Variants in CCDC172 observed in about 807,000 individuals in gnomAD.
CCDC172 encodes coiled-coil domain containing 172.
A neutral mutation model predicts 38.0 loss-of-function variants in CCDC172; 30 were observed. The observed-to-expected ratio is 0.79, with a 90% CI of 0.59 to 1.07. The LOEUF is 1.07. CCDC172 is among the 50% of genes least tolerant of loss of function. The probability of loss-of-function intolerance (pLI) is 0.00; values close to 1 mark genes in which losing one functional copy is unlikely to be tolerated. For missense variants in CCDC172, 297 were observed against 290.1 expected (o/e 1.02, Z -0.17); for synonymous variants, 78 against 88.3 (o/e 0.88, Z 0.66).
intron 7 of CCDC172, among the ~76,000 whole-genome samples, chr10:116,361,546 A>G (rs1845064399): frequency 6.6e-6 from 1 of 152,206 alleles, no homozygotes; most frequent in Non-Finnish European, 1.5e-5. Flanking sequence ...GCACTTAAAG[A>G]TGGTGTGGCT....
rs267602378 is a variant in CCDC172 at position 116,325,349 on chromosome 10, G to C, written c.126G>C (p.Thr42=). ...GTCGTGAAAAAATTAAGAAAGCAACGGAGGAGCTGAATGAAGAGAAAATCA... is the reference window on the plus strand; with the variant it reads ...GTCGTGAAAAAATTAAGAAAGCAACCGAGGAGCTGAATGAAGAGAAAATCA... ...TRCREKIKKA[T]EELNEEKIKL... is the part of the protein sequence containing the mutation. The change falls in exon 3 of 9, where the codon ACG becomes ACC. Residue 42 remains threonine, a synonymous_variant. Coordinates refer to ENST00000333254, the MANE Select transcript of CCDC172 (RefSeq NM_198515.3). 19 of 1,613,868 alleles carry C rather than the reference G, an allele frequency of 1.2e-5. No individual in the cohort carries two copies. The highest frequency in any genetic ancestry group is 6.7e-5 in the Admixed American group (4 of 59,978).
At chr10:116,366,702 T>A (rs1845127069) in intron 7 of CCDC172, among the ~76,000 whole-genome samples, 2 of 152,186 alleles carry the variant, frequency 1.3e-5, no homozygotes, top group African/African-American at 2.4e-5. Flanking sequence ...TTGCTGAGTG[T>A]GGGGCATGCG....
At position 116,351,223 on chromosome 10, in the gene CCDC172, C is replaced by A. The variant is rs7916760; in HGVS notation, c.449-6157C>A. On this transcript the variant is annotated intron_variant, in intron 5 of 8. Transcript: ENST00000333254. ...AATAAAATATTGTATCTTTTTTAAT[C>A]TGTTGAATATTGTGTTATGGTATCC... 4.9e-3 allele frequency among the ~76,000 whole-genome samples: 746 copies of A among 151,942 alleles called. 5 individuals are homozygous for A. Among genetic ancestry groups the A allele is most frequent in the African/African-American group, 0.017 (718 of 41,430 alleles).
chr10:116,341,011 A>G (rs1010843487), intron 4 of CCDC172, among the ~76,000 whole-genome samples, 161 bp downstream of exon 4: 2 of 152,180 alleles, frequency 1.3e-5, no homozygotes, highest in African/African-American at 2.4e-5. Context: ...CAATTGGTAG[A>G]GTAATACAGT....
chr10:116,356,897 T>A (rs904428140), intron 5 of CCDC172, among the ~76,000 whole-genome samples: 1 of 152,196 alleles, frequency 6.6e-6, no homozygotes, highest in African/African-American at 2.4e-5. Flanking sequence ...CTTATCCTTT[T>A]GTATCCAGCT....
chr10:116,359,342 C>CTTT (rs1845037008), intron 7 of CCDC172, among the ~76,000 whole-genome samples: 2 of 152,156 alleles, frequency 1.3e-5, no homozygotes, highest in African/African-American at 4.8e-5. Flanking sequence ...ATAGAATAGT[C>CTTT]TTTTTCATCT....
chr10:116,362,278 A>G (rs1212640179), intron 7 of CCDC172, among the ~76,000 whole-genome samples: 1 of 152,218 alleles, frequency 6.6e-6, no homozygotes, highest in Non-Finnish European at 1.5e-5. Context: ...TTTAGCAAAA[A>G]TGGGATTATG....
intron 8 of CCDC172, 115 bp from the exon 9 acceptor site, chr10:116,379,208 A>C: frequency 1.9e-6 from 1 of 535,464 alleles, no homozygotes; most frequent in East Asian, 3.5e-5. Context: ...TTTTATAAAA[A>C]ATATAATTAA....
At chr10:116,357,755 G>A in intron 6 of CCDC172, 81 bp from the exon 7 acceptor site, 1 of 768,348 alleles carries the variant, frequency 1.3e-6, no homozygotes, top group Non-Finnish European at 2.1e-6. Flanking sequence ...CCAAAAATTA[G>A]AGTACTGTTC....
intron 4 of CCDC172, among the ~76,000 whole-genome samples, chr10:116,341,612 A>G (rs190907997): frequency 6.6e-6 from 1 of 152,034 alleles, no homozygotes; most frequent in African/African-American, 2.4e-5. Flanking sequence ...TTTCTTGGCT[A>G]TCCTTGTTTG....
chr10:116,343,267 G>T (rs1384007725), intron 5 of CCDC172, among the ~76,000 whole-genome samples: 1 of 152,088 alleles, frequency 6.6e-6, no homozygotes, highest in African/African-American at 2.4e-5. Context: ...GAAGACCTCA[G>T]CCAAAGAAAC....
Position 116,325,325 on chromosome 10 carries a change from T to A in CCDC172, c.102T>A (p.Cys34Ter), listed in dbSNP as rs1844577525. 1 of 1,613,554 alleles carries A rather than the reference T, an allele frequency of 6.2e-7. No individual in the cohort carries two copies. The highest frequency in any genetic ancestry group is 1.1e-5 in the South Asian group (1 of 91,038). The change falls in exon 3 of 9, where the codon TGT becomes TGA. Residue 34 changes from cysteine to a stop codon, truncating the protein, a stop_gained. Coordinates refer to ENST00000333254, the MANE Select transcript of CCDC172 (RefSeq NM_198515.3). LOFTEE classifies it high-confidence loss of function. ...MREVRSEITRCREKIKKATEE... is the reference protein window; with the variant it reads ...MREVRSEITR ...CAGTAAGGTCGGAAATAACCAGATG[T>A]CGTGAAAAAATTAAGAAAGCAACGG...
At chr10:116,378,992 A>G (rs1845281135) in intron 8 of CCDC172, among the ~76,000 whole-genome samples, 1 of 152,150 alleles carries the variant, frequency 6.6e-6, no homozygotes. Context: ...GTGTAGGAGC[A>G]CTTTAAATTG....
chr10:116,356,362 G>A (rs1312295864), intron 5 of CCDC172, among the ~76,000 whole-genome samples: 1 of 149,276 alleles, frequency 6.7e-6, no homozygotes, highest in Non-Finnish European at 1.5e-5. Context: ...AGAAAGGGGG[G>A]GAGGAGGAAG....
chr10:116,357,720 A>C, intron 6 of CCDC172, 116 bp from the exon 7 acceptor site: 1 of 685,604 alleles, frequency 1.5e-6, no homozygotes, highest in Non-Finnish European at 2.4e-6. Context: ...AAAAATCATT[A>C]GTGTATAAAT....
chr10:116,353,741 TA>T (rs1844960751), intron 5 of CCDC172, among the ~76,000 whole-genome samples: 1 of 152,186 alleles, frequency 6.6e-6, no homozygotes, highest in Non-Finnish European at 1.5e-5. Context: ...AATATTTTTA[TA>T]CAAATGTACG....
intron 3 of CCDC172, among the ~76,000 whole-genome samples, chr10:116,333,993 T>C (rs1317088391): frequency 6.6e-6 from 1 of 152,106 alleles, no homozygotes; most frequent in Non-Finnish European, 1.5e-5. Flanking sequence ...TGAATTCATA[T>C]TTCAAGATAA....
At chr10:116,343,525 T>C (rs1413508962) in intron 5 of CCDC172, among the ~76,000 whole-genome samples, 3 of 150,858 alleles carry the variant, frequency 2.0e-5, no homozygotes, top group Non-Finnish European at 2.9e-5. Context: ...GTTTTTTTTT[T>C]TTTTTTTAAA....
chr10:116,364,572 A>G (rs1845100775), intron 7 of CCDC172, among the ~76,000 whole-genome samples: 1 of 152,172 alleles, frequency 6.6e-6, no homozygotes, highest in South Asian at 2.1e-4. Context: ...GATTATGTTA[A>G]TTAGTGATGT....
Sources: gnomAD v4.1 joint callset for allele counts (sites outside exome capture counted in the v4.1 genomes callset) on GRCh38, gnomAD v4.1.1 for gene constraint, MANE v1.5 for transcripts, NCBI Gene and HGNC (gene_info 2026-07-23, HGNC 2026-07-21) for gene names.